The following EYA1 variants were observed in gnomAD, a reference collection of about 807,000 sequenced individuals.
EYA1 encodes protein phosphatase EYA1.
Under a neutral mutation model 82.0 loss-of-function variants are expected in EYA1, and 16 were observed. The ratio of observed to expected loss-of-function variants is 0.20; its 90% CI spans 0.13 to 0.30. EYA1 has a LOEUF of 0.30. Ranked by LOEUF, EYA1 falls within the 10% of genes least tolerant of loss-of-function variation. EYA1 has a pLI of 1.00. For missense variants in EYA1, 633 were observed against 730.7 expected, an observed-to-expected ratio of 0.87 and a Z score of 1.54; for synonymous variants, 261 against 264.4, an observed-to-expected ratio of 0.99 and a Z score of 0.12.
At chr8:71,502,548 C>A (rs758019555) in intron 2 of EYA1, among the ~76,000 whole-genome samples, 10 of 152,140 alleles carry the variant, frequency 6.6e-5, no homozygotes, top group Non-Finnish European at 1.3e-4. Context: ...ATGTCCCATG[C>A]AATATTTGAG....
intron 2 of EYA1, among the ~76,000 whole-genome samples, chr8:71,401,522 G>A (rs1319812931): frequency 6.6e-6 from 1 of 152,136 alleles, no homozygotes; most frequent in Non-Finnish European, 1.5e-5. Flanking sequence ...AAACATATTA[G>A]CATATGCATA....
chr8:71,514,436 A>T (rs1812817180), intron 2 of EYA1, among the ~76,000 whole-genome samples: 1 of 152,178 alleles, frequency 6.6e-6, no homozygotes, highest in African/African-American at 2.4e-5. Flanking sequence ...CTGGAATGAT[A>T]TACAACTGAT....
At chr8:71,228,172 A>G (rs918625638) in intron 12 of EYA1, among the ~76,000 whole-genome samples, 1 of 152,154 alleles carries the variant, frequency 6.6e-6, no homozygotes, top group African/African-American at 2.4e-5. Context: ...TCACTGTCAG[A>G]CCCTGGCGGC....
intron 4 of EYA1, among the ~76,000 whole-genome samples, chr8:71,325,304 A>T (rs1341194384): frequency 6.6e-6 from 1 of 152,108 alleles, no homozygotes; most frequent in African/African-American, 2.4e-5. Context: ...TCCCTTTAGG[A>T]TAACGTCTTC....
chr8:71,515,773 A>G (rs1812929751), intron 2 of EYA1, among the ~76,000 whole-genome samples: 1 of 152,132 alleles, frequency 6.6e-6, no homozygotes, highest in Admixed American at 6.6e-5. Context: ...CCCCTATCAA[A>G]ACTATAACTG....
chr8:71,340,995 A>T (rs568036748), intron 3 of EYA1, among the ~76,000 whole-genome samples: 1 of 152,146 alleles, frequency 6.6e-6, no homozygotes, highest in South Asian at 2.1e-4. Flanking sequence ...CCAAATCATC[A>T]CTCAGTCTAC....
intron 2 of EYA1, among the ~76,000 whole-genome samples, chr8:71,406,707 T>G (rs906084022): frequency 6.6e-6 from 1 of 152,054 alleles, no homozygotes; most frequent in Non-Finnish European, 1.5e-5. Flanking sequence ...ATCCTGCAAC[T>G]GGCTCGGAGG....
chr8:71,418,485 G>T (rs965476594), intron 2 of EYA1, among the ~76,000 whole-genome samples: 7 of 151,912 alleles, frequency 4.6e-5, no homozygotes, highest in African/African-American at 1.7e-4. Flanking sequence ...TATCTAAAAG[G>T]CTTAAATTTG....
In EYA1 at chr8:71,308,191, TG is replaced by T. The variant is rs113618642; in HGVS notation, c.557-8472del. Among the ~76,000 whole-genome samples, 1,156 of 152,166 alleles carry T rather than the reference TG, an allele frequency of 7.6e-3. 18 individuals are homozygous for T. The highest frequency in any genetic ancestry group is 0.025 in the African/African-American group (1,032 of 41,486). On this transcript the variant is annotated intron_variant, in intron 7 of 17. Coordinates refer to ENST00000340726, the MANE Select transcript of EYA1 (RefSeq NM_000503.6). ...TGAATCGGTAATGTTGAAAGCAAAT[TG>T]GTATTAAGTGGTATTAATTTTTGGC...
intron 2 of EYA1, among the ~76,000 whole-genome samples, chr8:71,371,540 C>T (rs1828080669): frequency 6.6e-6 from 1 of 152,126 alleles, no homozygotes; most frequent in African/African-American, 2.4e-5. Flanking sequence ...AAAGTAAAAA[C>T]CATGGGCAAC....
At chr8:71,387,750 A>G (rs1341876507) in intron 2 of EYA1, among the ~76,000 whole-genome samples, 2 of 152,140 alleles carry the variant, frequency 1.3e-5, no homozygotes, top group Non-Finnish European at 2.9e-5. Context: ...TACCCATGGG[A>G]TATCTTGGTG....
intron 2 of EYA1, among the ~76,000 whole-genome samples, chr8:71,489,223 C>G (rs1186504327): frequency 1.3e-5 from 2 of 152,076 alleles, no homozygotes; most frequent in Non-Finnish European, 2.9e-5. Context: ...CCACCTACTT[C>G]TTGAGCCACT....
At chr8:71,430,950 G>A (rs576964687) in intron 2 of EYA1, among the ~76,000 whole-genome samples, 5 of 151,760 alleles carry the variant, frequency 3.3e-5, no homozygotes, top group Admixed American at 3.3e-4. Flanking sequence ...GAACAAGACA[G>A]CTTGGCTTTA....
At chr8:71,320,420 T>C (rs932551106) in intron 6 of EYA1, among the ~76,000 whole-genome samples, 2 of 152,320 alleles carry the variant, frequency 1.3e-5, no homozygotes, top group Non-Finnish European at 2.9e-5. Context: ...ACTTCTATTA[T>C]AGAATGGGAG....
rs564008175 is a variant in EYA1 at position 71,472,719 on chromosome 8, A to G, written c.33+63025T>C. Among the ~76,000 whole-genome samples the G allele has an allele frequency of 4.6e-5, 7 of 150,580 alleles. No individual in the cohort carries two copies. In the East Asian group the frequency reaches 1.2e-3, roughly 26 times the overall value. The stretch of plus-strand genomic sequence containing the variant: ...ACGTACAACTCAGGCTGCCTGACCA[A>G]GCCGCACATTTAACCAGTATACCAT... On this transcript the variant is annotated intron_variant, in intron 2 of 18. Transcript: ENST00000643681.
chr8:71,245,073 G>C (rs1485155931), intron 11 of EYA1, among the ~76,000 whole-genome samples: 2 of 152,184 alleles, frequency 1.3e-5, no homozygotes, highest in Non-Finnish European at 2.9e-5. Context: ...AATCCATTAA[G>C]AGCATCTAAG....
rs1245812110 is a variant in EYA1, at chr8:71,303,371, G to A, written c.557-3651C>T. 1.4e-5 allele frequency among the ~76,000 whole-genome samples: 2 copies of A among 141,398 alleles called. 1 individual carries two copies. The highest frequency in any genetic ancestry group is 3.2e-5 in the Non-Finnish European group (2 of 62,418). The allele number at this position is 141,398 out of a possible 152,430, so 92.8% of individuals were successfully genotyped here. On this transcript the variant is annotated intron_variant, in intron 7 of 17. Transcript: ENST00000340726. Reference sequence around the variant, plus strand: ...CTTACTAATCAGTATTTTAAGCCAAGTACTAATTGACCTGTAAACTAACAA... The same window carrying A: ...CTTACTAATCAGTATTTTAAGCCAAATACTAATTGACCTGTAAACTAACAA...
chr8:71,540,222 C>G (rs1815038584), intron 1 of EYA1, among the ~76,000 whole-genome samples: 1 of 152,132 alleles, frequency 6.6e-6, no homozygotes, highest in African/African-American at 2.4e-5. Flanking sequence ...ACCCCTACTC[C>G]TTAGAAAAGA....
intron 2 of EYA1, among the ~76,000 whole-genome samples, chr8:71,389,982 C>T (rs1384682472): frequency 2.0e-5 from 3 of 152,232 alleles, no homozygotes; most frequent in Admixed American, 1.3e-4. Context: ...TTGAATTTAT[C>T]ATTTAAATGC....
Sources: gnomAD v4.1 joint callset for allele counts (sites outside exome capture counted in the v4.1 genomes callset) on GRCh38, gnomAD v4.1.1 for gene constraint, MANE v1.5 for transcripts, NCBI Gene and HGNC (gene_info 2026-07-23, HGNC 2026-07-21) for gene names.